The following OR52K1 variants were observed in gnomAD, a reference collection of about 807,000 sequenced individuals.
The protein encoded by OR52K1 is olfactory receptor family 52 subfamily K member 1.
OR52K1 carries 10 observed loss-of-function variants against 8.7 expected under a neutral mutation model. The observed-to-expected ratio is 1.15, with a 90% CI of 0.71 to 1.95. OR52K1 has a LOEUF of 1.95. Ranked by LOEUF, OR52K1 falls within the 30% of genes most tolerant of loss-of-function variation. The pLI is 0.00. For synonymous variants in OR52K1, 203 were observed against 148.5 expected (o/e 1.37, Z -2.67); for missense variants, 431 against 397.2 (o/e 1.08, Z -0.72).
At chr11:4,485,463 C>T (rs985763915) in intron 1 of OR52K1, among the ~76,000 whole-genome samples, 3 of 152,130 alleles carry the variant, frequency 2.0e-5, no homozygotes, top group Non-Finnish European at 4.4e-5. Context: ...ATGCTTTCCC[C>T]GTCTCAGTTG....
intron 1 of OR52K1, among the ~76,000 whole-genome samples, chr11:4,485,779 T>C (rs1273562801): frequency 6.6e-6 from 1 of 152,196 alleles, no homozygotes; most frequent in African/African-American, 2.4e-5. Flanking sequence ...ATCTCCTCTC[T>C]GCTGAAAACA....
rs775222498 is a variant in OR52K1 at position 4,488,572 on chromosome 11, G to A, written c.-328-1G>A. Reference sequence around the variant, plus strand: ...TTAAACATATTTTCACTTTTTTCAAGGTATTCATGACATCACCAAGAACAC... The same window carrying A: ...TTAAACATATTTTCACTTTTTTCAAAGTATTCATGACATCACCAAGAACAC... On this transcript the variant is annotated splice_acceptor_variant, in intron 1 of 1. Coordinates refer to ENST00000641528, the MANE Select transcript of OR52K1 (RefSeq NM_001005171.3). LOFTEE classifies it low-confidence loss of function (5UTR_SPLICE). The A allele has an allele frequency of 1.3e-5, 3 of 231,838 alleles. No homozygotes were observed. The highest frequency in any genetic ancestry group is 2.5e-5 in the Non-Finnish European group (3 of 119,372). The allele number at this position is 231,838 out of a possible 1,614,324, so 14.4% of individuals were successfully genotyped here.
chr11:4,484,825 AACACACAGACACAC>A (rs1483971044), intron 1 of OR52K1, among the ~76,000 whole-genome samples: 17 of 131,880 alleles, frequency 1.3e-4, no homozygotes, highest in Admixed American at 3.1e-4. Flanking sequence ...TCTGTTCTAA[AACACACAGACACAC>A]ACACACACAC....
In OR52K1 at chr11:4,489,698, A is replaced by T. The variant is rs762374664; in HGVS notation, c.798A>T (p.Val266=). The change falls in exon 2 of 2, where the codon GTA becomes GTT. Residue 266 remains valine, a synonymous_variant. Transcript: ENST00000641528. ...TCATCTCTTCAGTCATGCACCGTGT[A>T]GCCCGCCATGCTGCCCCTCGTGTCC... ...PVVISSVMHR[V]ARHAAPRVHI... The T allele has an allele frequency of 3.1e-6, 5 of 1,614,218 alleles. No individual in the cohort carries two copies. Among genetic ancestry groups the T allele is most frequent in the Non-Finnish European group, 4.2e-6 (5 of 1,180,034 alleles).
In OR52K1 at chr11:4,489,198, C is replaced by A; in HGVS notation, c.298C>A (p.Leu100Met). 3.1e-6 allele frequency: 5 copies of A among 1,614,250 alleles called. No homozygotes were observed. The highest frequency in any genetic ancestry group is 3.4e-6 in the Non-Finnish European group (4 of 1,180,048). The stretch of plus-strand genomic sequence containing the variant: ...TCAGGAGATCAACTTCTTTGCCTGT[C>A]TGGTCCAGATGTTCTTCCTTCACTC... The part of the protein sequence containing the change: ...RDQEINFFAC[L>M]VQMFFLHSFS... The change falls in exon 2 of 2, where the codon CTG becomes ATG. Residue 100 changes from leucine (L) to methionine (M), a missense_variant. Physicochemically the swap from Leu to Met is conservative, Grantham distance 15 (BLOSUM62 2). Transcript: ENST00000641528.
intron 1 of OR52K1, among the ~76,000 whole-genome samples, chr11:4,483,749 C>A (rs564682119): frequency 6.6e-6 from 1 of 152,138 alleles, no homozygotes; most frequent in Admixed American, 6.5e-5. Context: ...GTGGAAAATA[C>A]ATATTGAGAT....
Position 4,489,635 on chromosome 11 carries a change from T to C in OR52K1, c.735T>C (p.Ser245=), listed in dbSNP as rs768744943. 6.2e-7 allele frequency: 1 copy of C among 1,614,212 alleles called. No individual in the cohort carries two copies. Among genetic ancestry groups the C allele is most frequent in the South Asian group, 1.1e-5 (1 of 91,086 alleles). ...ACAAGGCATTTGGGACATGTGTGTC[T>C]CACATAGGTGCCATCCTGTCCACCT... ...ARYKAFGTCV[S]HIGAILSTYT... is the part of the protein sequence containing the mutation. Residue 245 remains serine, a synonymous_variant, in exon 2 of 2, where the codon TCT becomes TCC. Transcript: ENST00000641528.
Position 4,490,164 on chromosome 11 carries a change from A to C in OR52K1, c.*319A>C. ...CCTTTATTGGCTGAGATTGGCCCAA[A>C]CAGCTGAGTCACCCAAACAGGTGAC... On this transcript the variant is annotated 3_prime_UTR_variant, in exon 2 of 2. Coordinates refer to ENST00000641528, the MANE Select transcript of OR52K1 (RefSeq NM_001005171.3). 3.9e-6 allele frequency: 1 copy of C among 258,802 alleles called. No individual in the cohort carries two copies. Among genetic ancestry groups the C allele is most frequent in the East Asian group, 8.9e-5 (1 of 11,296 alleles). 16.0% of individuals were successfully genotyped at this position (258,802 alleles called of 1,614,324 possible).
chr11:4,487,880 G>A (rs1170097530), intron 1 of OR52K1, among the ~76,000 whole-genome samples: 1 of 151,958 alleles, frequency 6.6e-6, no homozygotes, highest in Non-Finnish European at 1.5e-5. Context: ...AACAGTCTTG[G>A]TAAAAACTGG....
Position 4,489,939 on chromosome 11 carries a change from A to G in OR52K1, c.*94A>G, listed in dbSNP as rs1412697236. On this transcript the variant is annotated 3_prime_UTR_variant, in exon 2 of 2. Coordinates refer to ENST00000641528, the MANE Select transcript of OR52K1 (RefSeq NM_001005171.3). ...AATCTAAATAGGAAAATTGCAGAGT[A>G]TCTTTGACAATTCTCTAGTATGATA... The G allele has an allele frequency of 3.5e-6, 3 of 848,902 alleles. No individual in the cohort carries two copies. Among genetic ancestry groups the G allele is most frequent in the Non-Finnish European group, 1.9e-6 (1 of 539,436 alleles). 52.6% of individuals were successfully genotyped at this position (848,902 alleles called of 1,614,324 possible). A position where few individuals can be genotyped will look rare whatever the true frequency, so the allele number is the denominator to read the frequency against.
chr11:4,486,239 C>T (rs1252684121), intron 1 of OR52K1, among the ~76,000 whole-genome samples: 1 of 152,218 alleles, frequency 6.6e-6, no homozygotes, highest in East Asian at 1.9e-4. Context: ...GAAATCTACA[C>T]TCCTTGGGTC....
At chr11:4,486,733 C>G (rs947682841) in intron 1 of OR52K1, among the ~76,000 whole-genome samples, 8 of 152,098 alleles carry the variant, frequency 5.3e-5, no homozygotes, top group Non-Finnish European at 1.0e-4. Context: ...CTAAGGGATC[C>G]ATCTGTTTTG....
intron 1 of OR52K1, among the ~76,000 whole-genome samples, chr11:4,484,349 T>C (rs188501952): frequency 2.6e-5 from 4 of 152,184 alleles, no homozygotes; most frequent in Admixed American, 2.6e-4. Context: ...GTGGAAGTGT[T>C]GGAAACGCAA....
Position 4,489,261 on chromosome 11 carries a change from G to A in OR52K1, c.361G>A (p.Ala121Thr). The A allele has an allele frequency of 6.2e-7, 1 of 1,614,106 alleles. No homozygotes were observed. Among genetic ancestry groups the A allele is most frequent in the Non-Finnish European group, 8.5e-7 (1 of 1,180,028 alleles). Reference sequence around the variant, plus strand: ...GGAGTCAGCAGTGCTGCTGGCCATGGCCTTTGACCGCTATGTGGCCATCTG... The same window carrying A: ...GGAGTCAGCAGTGCTGCTGGCCATGACCTTTGACCGCTATGTGGCCATCTG... ...IMESAVLLAMAFDRYVAICKP... is the reference protein window; with the variant it reads ...IMESAVLLAMTFDRYVAICKP... Residue 121 changes from alanine to threonine, a missense_variant, in exon 2 of 2, where the codon GCC (alanine) becomes ACC (threonine). Ala to Thr is a moderately conservative substitution (Grantham distance 58). Transcript: ENST00000641528.
chr11:4,492,618 G>A lies in OR52K1; in HGVS notation c.*2773G>A, dbSNP rs1052411651. 3 of 152,150 alleles carry A rather than the reference G, an allele frequency of 2.0e-5. No homozygotes were observed. Among genetic ancestry groups the A allele is most frequent in the African/African-American group, 7.2e-5 (3 of 41,416 alleles). 9.4% of individuals were successfully genotyped at this position (152,150 alleles called of 1,614,324 possible). A position where few individuals can be genotyped will look rare whatever the true frequency, so the allele number is the denominator to read the frequency against. On this transcript the variant is annotated 3_prime_UTR_variant, in exon 2 of 2. Transcript: ENST00000641528. Reference sequence around the variant, plus strand: ...TTAAAGGAAATACAGTCTTCTTACAGCATATCATAAAATTATTTCACTTAT... The same window carrying A: ...TTAAAGGAAATACAGTCTTCTTACAACATATCATAAAATTATTTCACTTAT...
rs1846366801 is a variant in OR52K1 at position 4,490,653 on chromosome 11, AAATAC to A, written c.*814_*818del. The A allele has an allele frequency of 6.6e-6, 1 of 152,226 alleles. No homozygotes were observed. Among genetic ancestry groups the A allele is most frequent in the South Asian group, 2.1e-4 (1 of 4,830 alleles). 9.4% of individuals were successfully genotyped at this position (152,226 alleles called of 1,614,324 possible). A position where few individuals can be genotyped will look rare whatever the true frequency, so the allele number is the denominator to read the frequency against. On this transcript the variant is annotated 3_prime_UTR_variant, in exon 2 of 2. Transcript: ENST00000641528. ...GAAGCTGAGATTTCTGAAAATAAGAAAATACAATACTGTCACACACTGCATAATGA... is the reference window on the plus strand; with the variant it reads ...GAAGCTGAGATTTCTGAAAATAAGAAAATACTGTCACACACTGCATAATGA...
rs1053664008 is a variant in OR52K1 at position 4,492,603 on chromosome 11, TAC to T, written c.*2760_*2761del. Reference sequence around the variant, plus strand: ...CTCAAGACTGAATATTTAAAGGAAATACAGTCTTCTTACAGCATATCATAAAA... The same window carrying T: ...CTCAAGACTGAATATTTAAAGGAAATAGTCTTCTTACAGCATATCATAAAA... On this transcript the variant is annotated 3_prime_UTR_variant, in exon 2 of 2. Coordinates refer to ENST00000641528, the MANE Select transcript of OR52K1 (RefSeq NM_001005171.3). 2 of 152,214 alleles carry T rather than the reference TAC, an allele frequency of 1.3e-5. No homozygotes were observed. The highest frequency in any genetic ancestry group is 4.8e-5 in the African/African-American group (2 of 41,442). 9.4% of individuals were successfully genotyped at this position (152,214 alleles called of 1,614,324 possible). A position where few individuals can be genotyped will look rare whatever the true frequency, so the allele number is the denominator to read the frequency against.
At position 4,492,062 on chromosome 11, in the gene OR52K1, C is replaced by T. The variant is rs1363643720; in HGVS notation, c.*2217C>T. The T allele has an allele frequency of 1.3e-5, 2 of 151,902 alleles. No individual in the cohort carries two copies. Among genetic ancestry groups the T allele is most frequent in the East Asian group, 1.9e-4 (1 of 5,166 alleles). The allele number at this position is 151,902 out of a possible 1,614,324, so 9.4% of individuals were successfully genotyped here. On this transcript the variant is annotated 3_prime_UTR_variant, in exon 2 of 2. Transcript: ENST00000641528. ...TATGCACCATGGAATACTATACAGCCATCAAAAAGAAATAAGATCACGTCC... is the reference window on the plus strand; with the variant it reads ...TATGCACCATGGAATACTATACAGCTATCAAAAAGAAATAAGATCACGTCC...
In OR52K1 at chr11:4,483,068, T is replaced by A; in HGVS notation, c.-437T>A. The A allele has an allele frequency of 2.5e-6, 1 of 398,370 alleles. No homozygotes were observed. The highest frequency in any genetic ancestry group is 4.4e-6 in the Non-Finnish European group (1 of 225,896). The allele number at this position is 398,370 out of a possible 1,614,324, so 24.7% of individuals were successfully genotyped here. On this transcript the variant is annotated 5_prime_UTR_variant, in exon 1 of 2. Coordinates refer to ENST00000641528, the MANE Select transcript of OR52K1 (RefSeq NM_001005171.3). ...TTTGGATCTGTCACTTCTCACCTCC[T>A]GTCATTGCTTTTTCTAACCCCTGGC...
Sources: gnomAD v4.1 joint callset for allele counts (sites outside exome capture counted in the v4.1 genomes callset) on GRCh38, gnomAD v4.1.1 for gene constraint, MANE v1.5 for transcripts, NCBI Gene and HGNC (gene_info 2026-07-23, HGNC 2026-07-21) for gene names.